The following ST6GALNAC3 variants were observed in gnomAD, a reference collection of about 807,000 sequenced individuals.
The protein encoded by ST6GALNAC3 is alpha-N-acetylgalactosaminide alpha-2,6-sialyltransferase 3.
A neutral mutation model predicts 32.7 loss-of-function variants in ST6GALNAC3; 25 were observed. That is an observed-to-expected ratio of 0.76 (90% CI 0.56 to 1.07). The LOEUF is 1.07. Ranked by LOEUF, ST6GALNAC3 falls within the 50% of genes least tolerant of loss-of-function variation. The probability of loss-of-function intolerance (pLI) is 0.00; values close to 1 mark genes in which losing one functional copy is unlikely to be tolerated. For missense variants in ST6GALNAC3, 355 were observed against 382.4 expected (o/e 0.93, Z 0.60); for synonymous variants, 129 against 133.1 (o/e 0.97, Z 0.21).
At chr1:76,489,567 C>T (rs140880180) in intron 3 of ST6GALNAC3, among the ~76,000 whole-genome samples, 12 of 152,246 alleles carry the variant, frequency 7.9e-5, no homozygotes, top group South Asian at 6.2e-4. Context: ...AATGCCTTGA[C>T]GTCAGAAACA....
At chr1:76,410,545 T>C (rs1435093292) in intron 2 of ST6GALNAC3, among the ~76,000 whole-genome samples, 3 of 152,118 alleles carry the variant, frequency 2.0e-5, no homozygotes, top group Non-Finnish European at 4.4e-5. Context: ...GATGATAGTT[T>C]ATTTATTGCC....
intron 3 of ST6GALNAC3, among the ~76,000 whole-genome samples, chr1:76,625,890 T>G (rs1373644831): frequency 2.0e-5 from 3 of 151,906 alleles, no homozygotes; most frequent in Non-Finnish European, 4.4e-5. Context: ...GAATGGCTAC[T>G]TAGGTAGTAA....
intron 3 of ST6GALNAC3, among the ~76,000 whole-genome samples, chr1:76,600,751 A>C (rs971726001): frequency 1.3e-5 from 2 of 152,248 alleles, no homozygotes; most frequent in Admixed American, 1.3e-4. Flanking sequence ...CAACTTATGA[A>C]TATGGATTGG....
chr1:76,602,497 T>C (rs1365302514), intron 3 of ST6GALNAC3, among the ~76,000 whole-genome samples: 1 of 152,112 alleles, frequency 6.6e-6, no homozygotes, highest in Non-Finnish European at 1.5e-5. Context: ...CAAACCGTTT[T>C]GTTTGTAATT....
intron 3 of ST6GALNAC3, among the ~76,000 whole-genome samples, chr1:76,461,011 G>A (rs1658241737): frequency 6.6e-6 from 1 of 152,206 alleles, no homozygotes. Flanking sequence ...TAGGAGTAAT[G>A]CCTGTGGTCA....
chr1:76,112,401 C>T (rs1268438742), intron 1 of ST6GALNAC3, among the ~76,000 whole-genome samples: 7 of 143,646 alleles, frequency 4.9e-5, no homozygotes, highest in Non-Finnish European at 9.0e-5. Context: ...CCGGACTGGG[C>T]GGCTGGCCGG....
intron 2 of ST6GALNAC3, among the ~76,000 whole-genome samples, chr1:76,370,467 C>T (rs1444217740): frequency 2.0e-5 from 3 of 152,116 alleles, no homozygotes; most frequent in Non-Finnish European, 4.4e-5. Context: ...CCTTCATAGA[C>T]ATATCCCCGG....
intron 1 of ST6GALNAC3, among the ~76,000 whole-genome samples, chr1:76,222,045 C>G (rs1655802329): frequency 1.3e-5 from 2 of 152,126 alleles, no homozygotes; most frequent in African/African-American, 2.4e-5. Context: ...CTGAAAGTTT[C>G]TTTTTATATA....
At chr1:76,198,363 G>T (rs912073761) in intron 1 of ST6GALNAC3, among the ~76,000 whole-genome samples, 1 of 152,150 alleles carries the variant, frequency 6.6e-6, no homozygotes, top group Non-Finnish European at 1.5e-5. Context: ...ACAGTGGTGG[G>T]CAATTATAAG....
At chr1:76,368,736 T>C (rs1416491969) in intron 2 of ST6GALNAC3, among the ~76,000 whole-genome samples, 1 of 152,222 alleles carries the variant, frequency 6.6e-6, no homozygotes, top group African/African-American at 2.4e-5. Flanking sequence ...AAATTATTTA[T>C]GGTCTTATAG....
intron 1 of ST6GALNAC3, among the ~76,000 whole-genome samples, chr1:76,266,359 C>T (rs766602986): frequency 1.3e-5 from 2 of 152,048 alleles, no homozygotes; most frequent in African/African-American, 2.4e-5. Flanking sequence ...TCTTTACTGC[C>T]GAAACTCTCG....
intron 2 of ST6GALNAC3, among the ~76,000 whole-genome samples, chr1:76,358,535 T>C (rs1425474873): frequency 6.6e-6 from 1 of 152,130 alleles, no homozygotes; most frequent in Admixed American, 6.6e-5. Flanking sequence ...AGATAGATCA[T>C]TTCCTCATAT....
chr1:76,077,221 T>C (rs1646829177), intron 1 of ST6GALNAC3, among the ~76,000 whole-genome samples: 1 of 152,106 alleles, frequency 6.6e-6, no homozygotes, highest in East Asian at 1.9e-4. Context: ...ATTATAACCA[T>C]TGCGTTACAG....
At position 76,459,427 on chromosome 1, in the gene ST6GALNAC3, G is replaced by C. The variant is rs1224531473; in HGVS notation, c.623+47010G>C. On this transcript the variant is annotated intron_variant, in intron 3 of 4. Coordinates refer to ENST00000328299, the MANE Select transcript of ST6GALNAC3 (RefSeq NM_152996.4). ...AAAATACAAAAAATTAGCCACGCGT[G>C]GTGGCGGGCACCTGTAGTCCCAGCT... 2.0e-5 allele frequency among the ~76,000 whole-genome samples: 3 copies of C among 152,118 alleles called. No homozygotes were observed. In the South Asian group the frequency reaches 6.2e-4, roughly 32 times the overall value.
chr1:76,433,999 C>CTGAT (rs1655955307), intron 3 of ST6GALNAC3, among the ~76,000 whole-genome samples: 1 of 152,120 alleles, frequency 6.6e-6, no homozygotes, highest in Admixed American at 6.5e-5. Context: ...ATTGCTCTTA[C>CTGAT]TGATTACTGC....
intron 3 of ST6GALNAC3, among the ~76,000 whole-genome samples, chr1:76,446,054 A>G (rs1218402247): frequency 6.6e-6 from 1 of 152,250 alleles, no homozygotes; most frequent in Non-Finnish European, 1.5e-5. Context: ...GGTTAAAGCA[A>G]AAGTTCAGTG....
At chr1:76,149,646 T>C (rs1047190854) in intron 1 of ST6GALNAC3, among the ~76,000 whole-genome samples, 9 of 152,254 alleles carry the variant, frequency 5.9e-5, no homozygotes, top group Non-Finnish European at 2.9e-5. Flanking sequence ...GATTTCCTTC[T>C]TCTTTAAGGT....
chr1:76,306,446 C>T (rs765110700), intron 1 of ST6GALNAC3, among the ~76,000 whole-genome samples: 28 of 152,144 alleles, frequency 1.8e-4, no homozygotes, highest in African/African-American at 4.1e-4. Flanking sequence ...AGTAATAGGA[C>T]GCCTTCAACA....
chr1:76,233,540 A>G (rs992803469), intron 1 of ST6GALNAC3, among the ~76,000 whole-genome samples: 2 of 152,196 alleles, frequency 1.3e-5, no homozygotes, highest in Non-Finnish European at 2.9e-5. Context: ...ATGCACTGGT[A>G]TGGTTGGACA....
Sources: gnomAD v4.1 joint callset for allele counts (sites outside exome capture counted in the v4.1 genomes callset) on GRCh38, gnomAD v4.1.1 for gene constraint, MANE v1.5 for transcripts, NCBI Gene and HGNC (gene_info 2026-07-23, HGNC 2026-07-21) for gene names.